The following SCPEP1 variants were observed in gnomAD, a reference collection of about 807,000 sequenced individuals.
SCPEP1 encodes the protein retinoid-inducible serine carboxypeptidase.
A neutral mutation model predicts 63.8 loss-of-function variants in SCPEP1; 51 were observed. The ratio of observed to expected loss-of-function variants is 0.80; its 90% CI spans 0.64 to 1.01. The LOEUF is 1.01. Ranked by LOEUF, SCPEP1 falls within the 50% of genes least tolerant of loss-of-function variation. SCPEP1 has a pLI of 0.00. For missense variants in SCPEP1, 499 were observed against 554.9 expected (o/e 0.90, Z 1.01); for synonymous variants, 204 against 207.8 (o/e 0.98, Z 0.16).
chr17:56,996,857 A>G (rs1408556448), intron 8 of SCPEP1, 105 bp from the exon 9 acceptor site: 3 of 672,642 alleles, frequency 4.5e-6, no homozygotes, highest in Non-Finnish European at 7.3e-6. Flanking sequence ...GATATACAAA[A>G]TTAAACCTGT....
At chr17:57,002,275 T>C in intron 12 of SCPEP1, 94 bp downstream of exon 12, 1 of 1,317,932 alleles carries the variant, frequency 7.6e-7, no homozygotes, top group East Asian at 2.3e-5. Flanking sequence ...AGGTGGGTCT[T>C]GTAGGAAGTA....
intron 1 of SCPEP1, among the ~76,000 whole-genome samples, chr17:56,980,810 A>AG: frequency 6.6e-6 from 1 of 151,566 alleles, no homozygotes; most frequent in Non-Finnish European, 1.5e-5. Context: ...AAAAAAAAAA[A>AG]AAGTGTTTCA....
At chr17:56,991,313 A>G in intron 6 of SCPEP1, 142 bp downstream of exon 6, 1 of 722,570 alleles carries the variant, frequency 1.4e-6, no homozygotes, top group African/African-American at 1.7e-5. Flanking sequence ...CATCCAAGAA[A>G]TATAGAGACA....
At chr17:56,988,375 C>A in intron 5 of SCPEP1, 85 bp downstream of exon 5, 1 of 1,009,934 alleles carries the variant, frequency 9.9e-7, no homozygotes, top group Non-Finnish European at 1.5e-6. Flanking sequence ...ATTAAATATA[C>A]TTTGAATAGG....
intron 7 of SCPEP1, 148 bp from the exon 8 acceptor site, chr17:56,995,358 TA>T: frequency 1.3e-6 from 1 of 789,596 alleles, no homozygotes; most frequent in Non-Finnish European, 2.0e-6. Context: ...TTTCATCCAA[TA>T]AACATGTGGC....
Position 56,991,174 on chromosome 17 carries a change from A to G in SCPEP1, c.619+3A>G. The G allele has an allele frequency of 1.9e-6, 3 of 1,612,754 alleles. No individual in the cohort carries two copies. Among genetic ancestry groups the G allele is most frequent in the Non-Finnish European group, 2.5e-6 (3 of 1,178,796 alleles). ...TGATTCCTGGATCTCCCCTGTTGGT[A>G]AGTGTGGCATTTTCAGGCATTTTTT... On this transcript the variant is annotated splice_donor_region_variant and intron_variant, in intron 6 of 12. Transcript: ENST00000262288.
At chr17:57,005,319 T>C (rs1481332499) in intron 12 of SCPEP1, among the ~76,000 whole-genome samples, 1 of 152,206 alleles carries the variant, frequency 6.6e-6, no homozygotes, top group African/African-American at 2.4e-5. Flanking sequence ...CTCTGTATAC[T>C]AGAGTTCAGG....
At chr17:57,002,309 GTGGCTCA>G in intron 12 of SCPEP1, 128 bp downstream of exon 12, 1 of 853,202 alleles carries the variant, frequency 1.2e-6, no homozygotes, top group Non-Finnish European at 1.8e-6. Flanking sequence ...GCCAGGTACA[GTGGCTCA>G]TGCCTGTAAT....
At chr17:56,988,906 A>G (rs184432459) in intron 5 of SCPEP1, among the ~76,000 whole-genome samples, 33 of 152,230 alleles carry the variant, frequency 2.2e-4, no homozygotes, top group Admixed American at 7.9e-4. Flanking sequence ...AAAAATTAGG[A>G]CAGAATGCAG....
intron 5 of SCPEP1, among the ~76,000 whole-genome samples, chr17:56,989,837 C>T (rs1178735455): frequency 6.6e-6 from 1 of 152,044 alleles, no homozygotes; most frequent in Non-Finnish European, 1.5e-5. Flanking sequence ...ATCCCAGCTA[C>T]TAGGGAGGCT....
chr17:56,994,776 C>A (rs1410022371), intron 6 of SCPEP1: 5 of 488,936 alleles, frequency 1.0e-5, no homozygotes, highest in Non-Finnish European at 1.5e-5. Flanking sequence ...AACAGAAAGG[C>A]CCCCACACCC....
At chr17:56,988,395 A>G (rs530317539) in intron 5 of SCPEP1, 105 bp downstream of exon 5, 19 of 782,410 alleles carry the variant, frequency 2.4e-5, no homozygotes, top group South Asian at 4.0e-5. Context: ...GGCCATGTAC[A>G]TGCAGAGTAC....
At chr17:56,991,963 C>G (rs1486094678) in intron 6 of SCPEP1, among the ~76,000 whole-genome samples, 1 of 152,204 alleles carries the variant, frequency 6.6e-6, no homozygotes, top group Non-Finnish European at 1.5e-5. Flanking sequence ...TCTAACCTAA[C>G]AAAACGTGAT....
rs1911418341 is a variant in SCPEP1 at position 56,992,108 on chromosome 17, C to CA, written c.619+938dup. Reference sequence around the variant, plus strand: ...CAGGGGGTGGTTACACGGGCATATGCATTCATCAAAACTCTTCTGAAGGTA... The same window carrying CA: ...CAGGGGGTGGTTACACGGGCATATGCAATTCATCAAAACTCTTCTGAAGGTA... On this transcript the variant is annotated intron_variant, in intron 6 of 12. Coordinates refer to ENST00000262288, the MANE Select transcript of SCPEP1 (RefSeq NM_021626.3). 2.0e-5 allele frequency among the ~76,000 whole-genome samples: 3 copies of CA among 152,316 alleles called. No homozygotes were observed. In the South Asian group the frequency reaches 6.2e-4, roughly 32 times the overall value.
chr17:56,992,207 G>A (rs1345760132), intron 6 of SCPEP1, among the ~76,000 whole-genome samples: 2 of 152,184 alleles, frequency 1.3e-5, no homozygotes, highest in Non-Finnish European at 2.9e-5. Context: ...ACCCCTAAAA[G>A]ATAGGGATTT....
chr17:56,999,518 C>G (rs576001903), intron 10 of SCPEP1, among the ~76,000 whole-genome samples: 1 of 152,130 alleles, frequency 6.6e-6, no homozygotes, highest in Non-Finnish European at 1.5e-5. Flanking sequence ...AGTGGTCCTG[C>G]GGCTGCTGCT....
At chr17:56,986,312 T>C (rs1192162774) in intron 3 of SCPEP1, among the ~76,000 whole-genome samples, 1 of 151,472 alleles carries the variant, frequency 6.6e-6, no homozygotes, top group Non-Finnish European at 1.5e-5. Context: ...CTCTGCCTCC[T>C]GGATTCAAGC....
intron 2 of SCPEP1, among the ~76,000 whole-genome samples, chr17:56,982,098 G>A (rs1244356672): frequency 1.3e-5 from 2 of 152,226 alleles, no homozygotes; most frequent in African/African-American, 4.8e-5. Context: ...GACAGGCAGA[G>A]GCTCTTTTCT....
At chr17:57,002,671 C>A (rs1338087728) in intron 12 of SCPEP1, among the ~76,000 whole-genome samples, 4 of 152,166 alleles carry the variant, frequency 2.6e-5, no homozygotes, top group African/African-American at 9.6e-5. Context: ...AGCACCACTG[C>A]ACTCCAGCCT....
Sources: allele counts gnomAD v4.1 joint callset (sites outside exome capture counted in the v4.1 genomes callset), GRCh38; gene constraint gnomAD v4.1.1; transcripts MANE v1.5; gene names NCBI Gene and HGNC (gene_info 2026-07-23, HGNC 2026-07-21).